AMBN: variants seen among roughly 807,000 people sequenced by gnomAD.
AMBN encodes ameloblastin.
AMBN carries 54 observed loss-of-function variants against 48.0 expected under a neutral mutation model. The ratio of observed to expected loss-of-function variants is 1.12; its 90% confidence interval spans 0.90 to 1.41. AMBN has a LOEUF of 1.41. Among genes scored for constraint, AMBN ranks in the 40% most tolerant of loss-of-function variants. AMBN has a pLI of 0.00. For synonymous variants in AMBN, 186 were observed against 190.0 expected (o/e 0.98, Z 0.17); for missense variants, 571 against 547.3 (o/e 1.04, Z -0.43).
At chr4:70,606,086 G>GT (rs1384363613) in intron 12 of AMBN, 99 bp from the exon 13 acceptor site, 13 of 1,404,364 alleles carry the variant, frequency 9.3e-6, no homozygotes, top group Non-Finnish European at 1.3e-5. Context: ...TTCTCCACCA[G>GT]TTTTTTAGAG....
chr4:70,605,772 A>G (rs1474833760), intron 12 of AMBN, among the ~76,000 whole-genome samples: 1 of 152,210 alleles, frequency 6.6e-6, no homozygotes, highest in African/African-American at 2.4e-5. Flanking sequence ...AAAAAAAAGT[A>G]CATGGAACTT....
intron 10 of AMBN, 30 bp from the exon 11 acceptor site, chr4:70,603,386 A>G: frequency 1.2e-6 from 2 of 1,613,458 alleles, no homozygotes; most frequent in African/African-American, 1.3e-5. Context: ...TGGAAAATGC[A>G]TTTTGTGATA....
rs75825750 is a variant in AMBN, at chr4:70,602,270, G to A, written c.532-354G>A. 4.0e-3 allele frequency among the ~76,000 whole-genome samples: 615 copies of A among 152,204 alleles called. 3 individuals are homozygous for A. Among genetic ancestry groups the A allele is most frequent in the African/African-American group, 0.014 (597 of 41,518 alleles). Reference sequence around the variant, plus strand: ...GAGAAGTTACAAAATTTGCCCAGGAGTACACAAAAATTAAGTGGCAGAGCC... The same window carrying A: ...GAGAAGTTACAAAATTTGCCCAGGAATACACAAAAATTAAGTGGCAGAGCC... On this transcript the variant is annotated intron_variant, in intron 6 of 12. Coordinates refer to ENST00000322937, the MANE Select transcript of AMBN (RefSeq NM_016519.6).
chr4:70,599,111 G>T (rs952557709), intron 4 of AMBN, among the ~76,000 whole-genome samples: 1 of 151,488 alleles, frequency 6.6e-6, no homozygotes, highest in Non-Finnish European at 1.5e-5. Flanking sequence ...CATCACTTTT[G>T]CTTTTGCTAT....
Position 70,601,521 on chromosome 4 carries a change from C to T in AMBN, c.398C>T (p.Thr133Ile), listed in dbSNP as rs1230065355. The change falls in exon 6 of 13, where the codon ACC (threonine) becomes ATC (isoleucine). Residue 133 changes from threonine to isoleucine, a missense_variant. Thr to Ile is a moderately conservative substitution (Grantham distance 89, BLOSUM62 -1). Coordinates refer to ENST00000322937, the MANE Select transcript of AMBN (RefSeq NM_016519.6). The stretch of plus-strand genomic sequence containing the variant: ...CCTTTTCTCCAGTCTGCTGCTGCAA[C>T]CACCAACCAGGCCACAGCACTGAAA... ...LKPFLQSAAA[T>I]TNQATALKEA... The T allele has an allele frequency of 6.2e-7, 1 of 1,614,208 alleles. No individual in the cohort carries two copies. Among genetic ancestry groups the T allele is most frequent in the South Asian group, 1.1e-5 (1 of 91,084 alleles).
Position 70,598,856 on chromosome 4 carries a change from C to A in AMBN, c.183+453C>A, listed in dbSNP as rs986771504. On this transcript the variant is annotated intron_variant, in intron 4 of 12. Transcript: ENST00000322937. Reference sequence around the variant, plus strand: ...ATGGCATGATCTCGGCTCACTGCAACCTCCATCTCCTGGGTTCAAGCAATT... The same window carrying A: ...ATGGCATGATCTCGGCTCACTGCAAACTCCATCTCCTGGGTTCAAGCAATT... Among the ~76,000 whole-genome samples the A allele has an allele frequency of 4.6e-5, 7 of 151,702 alleles. No individual in the cohort carries two copies. The South Asian group carries it at 1.5e-3, about 32-fold the overall frequency.
intron 1 of AMBN, among the ~76,000 whole-genome samples, chr4:70,592,681 G>A (rs1402910696): frequency 6.6e-6 from 1 of 151,930 alleles, no homozygotes; most frequent in Non-Finnish European, 1.5e-5. Flanking sequence ...AGAATAAAGA[G>A]CTTTTTGAAT....
chr4:70,605,624 A>G (rs1048398927), intron 12 of AMBN, among the ~76,000 whole-genome samples: 8 of 152,172 alleles, frequency 5.3e-5, no homozygotes, highest in Admixed American at 2.0e-4. Flanking sequence ...TTTGTGCTTT[A>G]AAAAAATTAA....
At position 70,606,703 on chromosome 4, in the gene AMBN, T is replaced by C. The variant is rs369746513; in HGVS notation, c.1317T>C (p.His439=). 1.2e-6 allele frequency: 2 copies of C among 1,613,574 alleles called. No individual in the cohort carries two copies. The highest frequency in any genetic ancestry group is 2.7e-5 in the African/African-American group (2 of 74,918). Residue 439 remains histidine, a synonymous_variant, in exon 13 of 13, where the codon CAT becomes CAC. Coordinates refer to ENST00000322937, the MANE Select transcript of AMBN (RefSeq NM_016519.6). ...GNKAQEPEMM[H]DAWHFQEP ...AAGCCCAGGAGCCCGAGATGATGCA[T>C]GACGCATGGCATTTCCAAGAGCCCT...
chr4:70,601,315 C>T lies in AMBN; in HGVS notation c.295-103C>T, dbSNP rs1036521290. ...ACTTCAAGACAAGTCTCCTAGCCTC[C>T]CTTCCAGATAGAAAGCGCCCCAAGC... On this transcript the variant is annotated intron_variant, in intron 5 of 12. Coordinates refer to ENST00000322937, the MANE Select transcript of AMBN (RefSeq NM_016519.6). 6.1e-6 allele frequency: 7 copies of T among 1,140,492 alleles called. No homozygotes were observed. In the African/African-American group the frequency reaches 1.1e-4, roughly 18 times the overall value. 70.6% of individuals were successfully genotyped at this position (1,140,492 alleles called of 1,614,324 possible).
intron 8 of AMBN, 32 bp from the exon 9 acceptor site, chr4:70,602,940 A>G (rs1737557700): frequency 1.9e-6 from 3 of 1,563,668 alleles, no homozygotes; most frequent in Middle Eastern, 3.5e-4. Context: ...TCCTTTTTTG[A>G]CTGATAATTT....
rs535146873 is a variant in AMBN at position 70,603,034 on chromosome 4, A to G, written c.648+24A>G. On this transcript the variant is annotated intron_variant, in intron 9 of 12. Transcript: ENST00000322937. ...CAGTAAGTACAGATCTCAATGAGAC[A>G]CTGTCTTGCAAAAACTGTCTCTATA... The G allele has an allele frequency of 1.1e-5, 17 of 1,586,892 alleles. No homozygotes were observed. The Admixed American group carries it at 1.7e-4, about 16-fold the overall frequency.
chr4:70,604,949 C>G (rs369701598), intron 12 of AMBN, among the ~76,000 whole-genome samples: 1 of 150,676 alleles, frequency 6.6e-6, no homozygotes, highest in South Asian at 2.1e-4. Context: ...GCTGAGATCA[C>G]GCCACTGCAC....
At chr4:70,604,969 G>A (rs536354762) in intron 12 of AMBN, among the ~76,000 whole-genome samples, 12 of 149,578 alleles carry the variant, frequency 8.0e-5, no homozygotes, top group African/African-American at 3.0e-4. Flanking sequence ...CTCCAGCCTG[G>A]GCAACAGAGC....
Position 70,603,860 on chromosome 4 carries a change from TA to T in AMBN, c.754-16del, listed in dbSNP as rs1365487271. On this transcript the variant is annotated splice_polypyrimidine_tract_variant and intron_variant, in intron 11 of 12. Coordinates refer to ENST00000322937, the MANE Select transcript of AMBN (RefSeq NM_016519.6). Reference sequence around the variant, plus strand: ...GTAGCTGGTTCGTAATTTGACGCAATATTTCTTTTTGAACAGAATGCCCCTG... The same window carrying T: ...GTAGCTGGTTCGTAATTTGACGCAATTTTCTTTTTGAACAGAATGCCCCTG... 1 of 1,613,912 alleles carries T rather than the reference TA, an allele frequency of 6.2e-7. No individual in the cohort carries two copies. The highest frequency in any genetic ancestry group is 8.5e-7 in the Non-Finnish European group (1 of 1,179,874).
In AMBN at chr4:70,601,551, C is replaced by T; in HGVS notation, c.428C>T (p.Ala143Val). ...AACCAGGCCACAGCACTGAAAGAAGCACTTCAGCCTCCAATTCACCTGGGA... is the reference window on the plus strand; with the variant it reads ...AACCAGGCCACAGCACTGAAAGAAGTACTTCAGCCTCCAATTCACCTGGGA... ...TTNQATALKE[A>V]LQPPIHLGHL... The change falls in exon 6 of 13, where the codon GCA becomes GTA. Residue 143 changes from alanine to valine, a missense_variant. Transcript: ENST00000322937. The T allele has an allele frequency of 1.9e-6, 3 of 1,614,200 alleles. No individual in the cohort carries two copies. Among genetic ancestry groups the T allele is most frequent in the Non-Finnish European group, 1.7e-6 (2 of 1,180,012 alleles).
intron 4 of AMBN, among the ~76,000 whole-genome samples, chr4:70,598,637 T>C (rs1318031635): frequency 6.6e-6 from 1 of 150,966 alleles, no homozygotes; most frequent in Non-Finnish European, 1.5e-5. Flanking sequence ...AATTTTATTA[T>C]GTGGCACAAA....
At position 70,596,918 on chromosome 4, in the gene AMBN, T is replaced by G. The variant is rs551865058; in HGVS notation, c.85-81T>G. The G allele has an allele frequency of 3.3e-5, 42 of 1,270,348 alleles. No individual in the cohort carries two copies. The African/African-American group carries it at 5.9e-4, about 18-fold the overall frequency. 78.7% of individuals were successfully genotyped at this position (1,270,348 alleles called of 1,614,324 possible). On this transcript the variant is annotated intron_variant, in intron 2 of 12. Coordinates refer to ENST00000322937, the MANE Select transcript of AMBN (RefSeq NM_016519.6). ...GGCCTCTCAGGTAGCCCGTATGTACTGGAGCAATATCCTACGCCCAATGGG... is the reference window on the plus strand; with the variant it reads ...GGCCTCTCAGGTAGCCCGTATGTACGGGAGCAATATCCTACGCCCAATGGG...
Position 70,602,844 on chromosome 4 carries a change from C to T in AMBN, c.609+8C>T. 5.7e-6 allele frequency: 9 copies of T among 1,588,210 alleles called. No homozygotes were observed. The highest frequency in any genetic ancestry group is 7.7e-6 in the Non-Finnish European group (9 of 1,165,024). Reference sequence around the variant, plus strand: ...GATCCACAAGGTCCATCAGTAAGTACAGATCTCAGTGAGACACTTCTATTT... The same window carrying T: ...GATCCACAAGGTCCATCAGTAAGTATAGATCTCAGTGAGACACTTCTATTT... On this transcript the variant is annotated splice_region_variant and intron_variant, in intron 8 of 12. Coordinates refer to ENST00000322937, the MANE Select transcript of AMBN (RefSeq NM_016519.6).
Sources: allele counts gnomAD v4.1 joint callset (sites outside exome capture counted in the v4.1 genomes callset), GRCh38; gene constraint gnomAD v4.1.1; transcripts MANE v1.5; gene names NCBI Gene and HGNC (gene_info 2026-07-23, HGNC 2026-07-21).